Variants in ATP2B2 observed in about 807,000 individuals in gnomAD.
The protein encoded by ATP2B2 is ATPase plasma membrane Ca2+ transporting 2, also known as plasma membrane calcium-transporting ATPase 2.
A neutral mutation model predicts 120.0 loss-of-function variants in ATP2B2; 15 were observed. That is an observed-to-expected ratio of 0.12 (90% CI 0.08 to 0.19). The LOEUF (loss-of-function observed/expected upper bound fraction) is 0.19. Ranked by LOEUF, ATP2B2 falls within the 10% of genes least tolerant of loss-of-function variation. The pLI is 1.00. For synonymous variants in ATP2B2, 694 were observed against 700.3 expected (o/e 0.99, Z 0.14); for missense variants, 1,045 against 1,719.8 (o/e 0.61, Z 6.94).
At chr3:10,588,446 C>T (rs1025861166) in intron 2 of ATP2B2, among the ~76,000 whole-genome samples, 1 of 152,214 alleles carries the variant, frequency 6.6e-6, no homozygotes, top group African/African-American at 2.4e-5. Context: ...TCCCTAGATG[C>T]CTTCTGATGG....
At chr3:10,612,694 A>G (rs1210861336) in intron 2 of ATP2B2, among the ~76,000 whole-genome samples, 1 of 152,114 alleles carries the variant, frequency 6.6e-6, no homozygotes, top group Non-Finnish European at 1.5e-5. Flanking sequence ...TTCCACTTTG[A>G]TATCTAATGA....
chr3:10,570,950 G>C (rs35944049), intron 2 of ATP2B2, among the ~76,000 whole-genome samples: 6,691 of 152,304 alleles, frequency 0.044, 326 homozygotes, highest in East Asian at 0.27. Flanking sequence ...CATTACTGAA[G>C]CACACAAGGA....
At chr3:10,333,409 G>A (rs2060034192) in intron 22 of ATP2B2, among the ~76,000 whole-genome samples, 1 of 152,134 alleles carries the variant, frequency 6.6e-6, no homozygotes, top group Non-Finnish European at 1.5e-5. Flanking sequence ...CTGGCCACCT[G>A]TTTAAACCTC....
In ATP2B2 at chr3:10,342,708, T is replaced by A. The variant is rs752236593; in HGVS notation, c.2917+44A>T. The A allele has an allele frequency of 4.4e-6, 7 of 1,601,630 alleles. No homozygotes were observed. The South Asian group carries it at 7.7e-5, about 18-fold the overall frequency. On this transcript the variant is annotated intron_variant, in intron 19 of 22. Coordinates refer to ENST00000360273, the MANE Select transcript of ATP2B2 (RefSeq NM_001001331.4). The surrounding 1 kb of genome is among the most constrained non-coding windows in gnomAD (Gnocchi z 4.4). The stretch of plus-strand genomic sequence containing the variant: ...TGAGAGCCATGGTGCACCCAGAAGG[T>A]GATGACCCCGCCTGGGAGAGGCGTG...
chr3:10,604,089 G>A (rs75371028), intron 2 of ATP2B2, among the ~76,000 whole-genome samples: 3,491 of 152,132 alleles, frequency 0.023, 123 homozygotes, highest in African/African-American at 0.079. Flanking sequence ...GCCCCAACTT[G>A]GTGAGAAACA....
chr3:10,579,544 C>T (rs1002806028), intron 2 of ATP2B2, among the ~76,000 whole-genome samples: 3 of 152,320 alleles, frequency 2.0e-5, no homozygotes, highest in Admixed American at 2.0e-4. Context: ...CATGGTGGTG[C>T]ACACCTGTAA....
chr3:10,684,106 G>A (rs1229717720), intron 1 of ATP2B2, among the ~76,000 whole-genome samples: 1 of 152,070 alleles, frequency 6.6e-6, no homozygotes, highest in Non-Finnish European at 1.5e-5. Flanking sequence ...TCTCATGGGT[G>A]GGCAAGTGAC....
At chr3:10,570,015 G>C (rs1041243403) in intron 2 of ATP2B2, 1 of 152,102 alleles carries the variant, frequency 6.6e-6, no homozygotes, top group Admixed American at 6.6e-5. Flanking sequence ...AATCCAGCCC[G>C]GCCCACCAGA....
At chr3:10,374,097 C>T (rs879012963) in intron 11 of ATP2B2, among the ~76,000 whole-genome samples, 4 of 152,148 alleles carry the variant, frequency 2.6e-5, no homozygotes, top group Admixed American at 6.5e-5. Flanking sequence ...GCGAAGGTAG[C>T]GGGTGCCAGA....
At chr3:10,367,337 A>G (rs1216425839) in intron 12 of ATP2B2, among the ~76,000 whole-genome samples, 1 of 151,758 alleles carries the variant, frequency 6.6e-6, no homozygotes, top group Non-Finnish European at 1.5e-5. Context: ...CTTGGTGGTG[A>G]GCAGCGACCC....
chr3:10,354,956 T>G (rs2060672380), intron 14 of ATP2B2, among the ~76,000 whole-genome samples: 1 of 152,052 alleles, frequency 6.6e-6, no homozygotes, highest in Non-Finnish European at 1.5e-5. Flanking sequence ...TCTGGGGTGC[T>G]TGACAAAAAC....
intron 2 of ATP2B2, among the ~76,000 whole-genome samples, chr3:10,613,226 C>T (rs1278059866): frequency 6.6e-6 from 1 of 152,162 alleles, no homozygotes; most frequent in Non-Finnish European, 1.5e-5. Context: ...TGTGTGGGAG[C>T]TCTGTGTTCA....
At chr3:10,701,381 T>C (rs2071814829) in intron 1 of ATP2B2, among the ~76,000 whole-genome samples, 1 of 152,172 alleles carries the variant, frequency 6.6e-6, no homozygotes, top group Non-Finnish European at 1.5e-5. Context: ...TTTCTCCAAA[T>C]AGCGCCAAAA....
intron 3 of ATP2B2, among the ~76,000 whole-genome samples, chr3:10,513,399 G>T (rs972799737): frequency 1.3e-5 from 2 of 152,206 alleles, no homozygotes; most frequent in Non-Finnish European, 2.9e-5. Context: ...CAAGGGACAG[G>T]AGAGGCAGTG....
rs955355667 is a variant in ATP2B2, at chr3:10,329,117, G to A, written c.3429C>T (p.Val1143=). ...AGAGAGAGCTACGGAACGCCTTCAC[G>A]ACGCGGATCTGCAAGGGAAGCACAG... ...GLNRIQTQIR[V]VKAFRSSLYE... The change falls in exon 23 of 23, where the codon GTC becomes GTT. Residue 1143 remains valine, a synonymous_variant. Transcript: ENST00000360273. This position sits in a 1 kb window ranked among gnomAD's most constrained non-coding sequence, Gnocchi z 5.9. The A allele has an allele frequency of 9.3e-6, 15 of 1,612,036 alleles. No homozygotes were observed. The highest frequency in any genetic ancestry group is 3.3e-5 in the South Asian group (3 of 91,024).
chr3:10,516,766 G>A (rs1219031786), intron 3 of ATP2B2, among the ~76,000 whole-genome samples: 4 of 152,226 alleles, frequency 2.6e-5, no homozygotes, highest in Non-Finnish European at 5.9e-5. Flanking sequence ...GCCAGGTGCC[G>A]TGCCCACAGC....
At chr3:10,474,910 G>A (rs1478490752) in intron 1 of ATP2B2, among the ~76,000 whole-genome samples, 1 of 152,242 alleles carries the variant, frequency 6.6e-6, no homozygotes, top group African/African-American at 2.4e-5. Context: ...ACCTGTCTCT[G>A]TGTCCCTGGC....
chr3:10,687,407 G>A (rs2071549055), intron 1 of ATP2B2, among the ~76,000 whole-genome samples: 1 of 152,154 alleles, frequency 6.6e-6, no homozygotes, highest in African/African-American at 2.4e-5. Flanking sequence ...TTTTCAAAAT[G>A]AATCAAATGT....
intron 3 of ATP2B2, among the ~76,000 whole-genome samples, chr3:10,517,739 C>T (rs2066904791): frequency 6.6e-6 from 1 of 152,228 alleles, no homozygotes; most frequent in Non-Finnish European, 1.5e-5. Flanking sequence ...CAGAGCCTTG[C>T]ACATGCACAG....
Sources: allele counts gnomAD v4.1 joint callset (sites outside exome capture counted in the v4.1 genomes callset), GRCh38; gene constraint gnomAD v4.1.1; non-coding constraint Gnocchi (gnomAD v3.1); transcripts MANE v1.5; gene names NCBI Gene and HGNC (gene_info 2026-07-23, HGNC 2026-07-21).